Variants in BOD1L1 observed in about 807,000 individuals in gnomAD.
BOD1L1 encodes biorientation of chromosomes in cell division 1 like 1, also known as biorientation of chromosomes in cell division protein 1-like 1.
In BOD1L1, 86 loss-of-function variants were observed where a neutral mutation model predicts 240.7. That is an observed-to-expected ratio of 0.36 (90% confidence interval 0.30 to 0.43). The LOEUF (loss-of-function observed/expected upper bound fraction) is 0.43. BOD1L1 is among the 20% of genes least tolerant of loss of function. BOD1L1 has a pLI of 1.00. For missense variants in BOD1L1, 3,554 were observed against 3,643.5 expected, an observed-to-expected ratio of 0.98 and a Z score of 0.63; for synonymous variants, 1,268 against 1,272.3, an observed-to-expected ratio of 1.00 and a Z score of 0.07.
chr4:13,592,809 C>CCCA (rs1338129694), intron 12 of BOD1L1: 1 of 152,112 alleles, frequency 6.6e-6, no homozygotes, highest in Non-Finnish European at 1.5e-5. Context: ...GCTCCCACTC[C>CCCA]CCAAACCTCC....
intron 15 of BOD1L1, 64 bp from the exon 16 acceptor site, chr4:13,587,835 G>T: frequency 9.1e-7 from 1 of 1,099,152 alleles, no homozygotes; most frequent in Non-Finnish European, 1.4e-6. Context: ...TGAAAGAGGA[G>T]CACACTGTAC....
Position 13,627,392 on chromosome 4 carries a change from G to T in BOD1L1, c.196C>A (p.Leu66Ile). The T allele has an allele frequency of 7.2e-7, 1 of 1,391,970 alleles. No individual in the cohort carries two copies. The allele number at this position is 1,391,970 out of a possible 1,614,324, so 86.2% of individuals were successfully genotyped here. A position where few individuals can be genotyped will look rare whatever the true frequency, so the allele number is the denominator to read the frequency against. ...CAGTCTCTGCGGAACTGGTCGAAGA[G>T]CCCCTGGCTCTTGAGGTGGTTCACG... ...MIVNHLKSQG[L>I]FDQFRRDCLA... Residue 66 changes from leucine to isoleucine, a missense_variant, in exon 1 of 26, where the codon CTC becomes ATC. This residue lies in a region of BOD1L1 where 161 missense variants were observed against 216.4 expected (regional missense o/e 0.74). Transcript: ENST00000040738.
Position 13,615,480 on chromosome 4 carries a change from T to C in BOD1L1, c.391A>G (p.Ile131Val). ...VLKSGMLESGIDRIISQVVDP... is the reference protein window; with the variant it reads ...VLKSGMLESGVDRIISQVVDP... ...ACAACCTGAGAAATAATTCGGTCAA[T>C]ACCAGACTCCAACATTCCTGATCTG... Residue 131 changes from isoleucine (I) to valine (V), a missense_variant, in exon 3 of 26, where the codon ATT (isoleucine) becomes GTT (valine). Ile to Val is a conservative substitution (Grantham distance 29). Coordinates refer to ENST00000040738, the MANE Select transcript of BOD1L1 (RefSeq NM_148894.3). 3.7e-6 allele frequency: 6 copies of C among 1,608,764 alleles called. No individual in the cohort carries two copies. Among genetic ancestry groups the C allele is most frequent in the Non-Finnish European group, 5.1e-6 (6 of 1,177,462 alleles).
In BOD1L1 at chr4:13,627,543, CGGCGGCGCCGGAGGA is replaced by C. The variant is rs1373326064; in HGVS notation, c.30_44del (p.Ala13_Pro17del). 8.0e-6 allele frequency: 9 copies of C among 1,130,358 alleles called. No homozygotes were observed. The highest frequency in any genetic ancestry group is 3.7e-4 in the Middle Eastern group (1 of 2,700). 70.0% of individuals were successfully genotyped at this position (1,130,358 alleles called of 1,614,324 possible). A position where few individuals can be genotyped will look rare whatever the true frequency, so the allele number is the denominator to read the frequency against. On this transcript the variant is annotated inframe_deletion, in exon 1 of 26. Transcript: ENST00000040738. ...GCGGCTGCGGCTGCGGCGGGGGAGG[CGGCGGCGCCGGAGGA>C]GGCGGCTGCGGCTGTGGGTTGGTGG...
At position 13,603,538 on chromosome 4, in the gene BOD1L1, TC is replaced by T; in HGVS notation, c.3361del (p.Glu1121LysfsTer34). The T allele has an allele frequency of 6.2e-7, 1 of 1,614,066 alleles. No individual in the cohort carries two copies. Among genetic ancestry groups the T allele is most frequent in the Non-Finnish European group, 8.5e-7 (1 of 1,179,900 alleles). On this transcript the variant is annotated frameshift_variant, in exon 10 of 26. Transcript: ENST00000040738. LOFTEE classifies it high-confidence loss of function. ...MTLIPEQEPM[E>X]IDSEPGVENV... ...TTCAACACCTGGCTCAGAATCAATT[TC>T]CATTGGCTCTTGTTCAGGGATCAAT... is the stretch of plus-strand genomic sequence containing the variant.
rs1715518103 is a variant in BOD1L1 at position 13,604,533 on chromosome 4, T to G, written c.2367A>C (p.Arg789=). The G allele has an allele frequency of 2.0e-6, 3 of 1,537,152 alleles. No individual in the cohort carries two copies. The African/African-American group carries it at 4.2e-5, about 21-fold the overall frequency. ...TKLSSDDKTE[R]KSKHRNERKL... is the part of the protein sequence containing the mutation. ...TCCTTTCATTCCTATGTTTACTTTT[T>G]CGTTCGGTTTTATCATCTGAAGAAA... is the stretch of plus-strand genomic sequence containing the variant. The change falls in exon 10 of 26, where the codon CGA becomes CGC. Residue 789 remains arginine (R), a synonymous_variant. Transcript: ENST00000040738.
At position 13,601,594 on chromosome 4, in the gene BOD1L1, G is replaced by C. The variant is rs764578133; in HGVS notation, c.5306C>G (p.Pro1769Arg). The change falls in exon 10 of 26, where the codon CCA (proline) becomes CGA (arginine). Residue 1769 changes from proline to arginine, a missense_variant. By Grantham distance (103) the Pro-to-Arg change is moderately radical. Transcript: ENST00000040738. The part of the protein sequence containing the change: ...GVVLGDNDAP[P>R]GTSASQEGDG... The stretch of plus-strand genomic sequence containing the variant: ...TCCTTCTTGGCTGGCACTTGTTCCT[G>C]GTGGTGCATCATTATCTCCCAGGAC... 1 of 1,613,956 alleles carries C rather than the reference G, an allele frequency of 6.2e-7. No individual in the cohort carries two copies. The highest frequency in any genetic ancestry group is 1.1e-5 in the South Asian group (1 of 91,082).
At position 13,613,800 on chromosome 4, in the gene BOD1L1, G is replaced by C. The variant is rs757439325; in HGVS notation, c.1175-139C>G. ...ATCAAACAAGGCAGAGTGGTTTCCA[G>C]AAAATACAAAGGCAAAGTAGACTTC... On this transcript the variant is annotated intron_variant, in intron 4 of 25. Transcript: ENST00000040738. The surrounding 1 kb of genome is among the most constrained non-coding windows in gnomAD (Gnocchi z 4.0). The C allele has an allele frequency of 7.2e-5, 41 of 565,520 alleles. No homozygotes were observed. The highest frequency in any genetic ancestry group is 1.9e-5 in the Non-Finnish European group (7 of 366,370). The allele number at this position is 565,520 out of a possible 1,614,324, so 35.0% of individuals were successfully genotyped here. A position where few individuals can be genotyped will look rare whatever the true frequency, so the allele number is the denominator to read the frequency against.
chr4:13,600,673 C>G lies in BOD1L1; in HGVS notation c.6227G>C (p.Ser2076Thr). The G allele has an allele frequency of 6.2e-7, 1 of 1,614,012 alleles. No individual in the cohort carries two copies. The highest frequency in any genetic ancestry group is 8.5e-7 in the Non-Finnish European group (1 of 1,179,896). The change falls in exon 10 of 26, where the codon AGT becomes ACT. Residue 2076 changes from serine (S) to threonine (T), a missense_variant. Ser to Thr is a moderately conservative substitution (Grantham distance 58). Coordinates refer to ENST00000040738, the MANE Select transcript of BOD1L1 (RefSeq NM_148894.3). ...CTGAGGGGTGTAATCATTTGTGGTA[C>G]TGGTGGAAATAATCAAAACTTTGCC... ...NQGKVLIISTSTTNDYTPQVS... is the reference protein window; with the variant it reads ...NQGKVLIISTTTTNDYTPQVS...
rs761391897 is a variant in BOD1L1, at chr4:13,570,137, A to G, written c.9039-9T>C. ...AGAGCTGTGTCTTTGATCTGCATTA[A>G]GCAAAGTCAAGGCAATGGTGAGGTT... On this transcript the variant is annotated splice_polypyrimidine_tract_variant and intron_variant, in intron 25 of 25. Coordinates refer to ENST00000040738, the MANE Select transcript of BOD1L1 (RefSeq NM_148894.3). 1.9e-6 allele frequency: 3 copies of G among 1,552,234 alleles called. No homozygotes were observed. The Admixed American group carries it at 6.3e-5, about 33-fold the overall frequency.
In BOD1L1 at chr4:13,614,749, G is replaced by A. The variant is rs2108985215; in HGVS notation, c.621C>T (p.Thr207=). ...VANDAMSILE[T]ITSLNQEASA... is the part of the protein sequence containing the mutation. ...TGGCTTCTTGGTTAAGAGAAGTTAT[G>A]GTTTCCAATATCGACATGGCATCAT... The change falls in exon 4 of 26, where the codon ACC becomes ACT. Residue 207 remains threonine, a synonymous_variant. Coordinates refer to ENST00000040738, the MANE Select transcript of BOD1L1 (RefSeq NM_148894.3). The A allele has an allele frequency of 1.9e-6, 3 of 1,613,802 alleles. No homozygotes were observed. Among genetic ancestry groups the A allele is most frequent in the Non-Finnish European group, 1.7e-6 (2 of 1,179,812 alleles).
intron 1 of BOD1L1, among the ~76,000 whole-genome samples, chr4:13,621,784 C>T (rs1717056591): frequency 1.3e-5 from 2 of 152,020 alleles, no homozygotes; most frequent in South Asian, 4.1e-4. Flanking sequence ...CAGGCCTTTG[C>T]TGATACTTAT....
At chr4:13,588,185 CAAAAAAAAAA>C (rs201474701) in intron 15 of BOD1L1, among the ~76,000 whole-genome samples, 2 of 76,504 alleles carry the variant, frequency 2.6e-5, no homozygotes, top group Admixed American at 1.3e-4. Context: ...GAGACTGTTT[CAAAAAAAAAA>C]AAAAAAAGAA....
At chr4:13,623,789 T>C (rs367576627) in intron 1 of BOD1L1, 1 of 152,332 alleles carries the variant, frequency 6.6e-6, no homozygotes, top group African/African-American at 2.4e-5. Flanking sequence ...CATTCTTAAA[T>C]ATGCATGTGA....
Position 13,591,980 on chromosome 4 carries a change from A to C in BOD1L1, c.8105-14T>G. ...TCTGGAGTTCAGCTGTTCAAAAATA[A>C]AAATGAGATGTAAAGAAACTGAATA... is the stretch of plus-strand genomic sequence containing the variant. On this transcript the variant is annotated splice_polypyrimidine_tract_variant and intron_variant, in intron 12 of 25. Coordinates refer to ENST00000040738, the MANE Select transcript of BOD1L1 (RefSeq NM_148894.3). 6.5e-7 allele frequency: 1 copy of C among 1,534,526 alleles called. No homozygotes were observed. Among genetic ancestry groups the C allele is most frequent in the Non-Finnish European group, 8.8e-7 (1 of 1,137,750 alleles).
chr4:13,602,112 GAC>G lies in BOD1L1; in HGVS notation c.4786_4787del (p.Val1596HisfsTer6), dbSNP rs1560201829. ...TTTCACTTTCAGCAAATCCCTCTGT[GAC>G]AACAGCCCCACCTTCTTCAGCTGCA... ...FAAAEEGGAVVTEGFAESETF... is the reference protein window; with the variant it reads ...FAAAEEGGAVXTEGFAESETF... On this transcript the variant is annotated frameshift_variant, in exon 10 of 26. Transcript: ENST00000040738. LOFTEE classifies it high-confidence loss of function. The G allele has an allele frequency of 6.2e-7, 1 of 1,613,986 alleles. No homozygotes were observed. Among genetic ancestry groups the G allele is most frequent in the Admixed American group, 1.7e-5 (1 of 60,024 alleles).
chr4:13,607,508 G>A lies in BOD1L1; in HGVS notation c.1743-319C>T, dbSNP rs576372035. Among the ~76,000 whole-genome samples the A allele has an allele frequency of 2.2e-4, 33 of 152,296 alleles. No individual in the cohort carries two copies. In the South Asian group the frequency reaches 4.6e-3, roughly 21 times the overall value. ...AGACAGGGTTTCACCATGTTGGTCA[G>A]GCTGGTCTCAAACTCCTGACCTCAT... On this transcript the variant is annotated intron_variant, in intron 8 of 25. Transcript: ENST00000040738.
chr4:13,603,113 C>T lies in BOD1L1; in HGVS notation c.3787G>A (p.Glu1263Lys). ...QKNLKNTAAEEHVAQGDATLE... is the reference protein window; with the variant it reads ...QKNLKNTAAEKHVAQGDATLE... ...GTGGCATCTCCTTGAGCAACATGTT[C>T]TTCAGCAGCTGTGTTTTTCAAATTC... The change falls in exon 10 of 26, where the codon GAA becomes AAA. Residue 1263 changes from glutamate to lysine, a missense_variant. By Grantham distance (56) the Glu-to-Lys change is moderately conservative. Coordinates refer to ENST00000040738, the MANE Select transcript of BOD1L1 (RefSeq NM_148894.3). The T allele has an allele frequency of 1.2e-6, 2 of 1,613,998 alleles. No homozygotes were observed. Among genetic ancestry groups the T allele is most frequent in the Middle Eastern group, 1.6e-4 (1 of 6,062 alleles).
Position 13,613,576 on chromosome 4 carries a change from T to A in BOD1L1, c.1260A>T (p.Glu420Asp). The change falls in exon 5 of 26, where the codon GAA (glutamate) becomes GAT (aspartate). Residue 420 changes from glutamate (E) to aspartate (D), a missense_variant. By Grantham distance (45) the Glu-to-Asp change is conservative. Coordinates refer to ENST00000040738, the MANE Select transcript of BOD1L1 (RefSeq NM_148894.3). This position sits in a 1 kb window ranked among gnomAD's most constrained non-coding sequence, Gnocchi z 4.0. Reference sequence around the variant, plus strand: ...TTACAACTTCCTCCTCAGTATCTTCTTCAAAAGATGAAAGGTCACTGGTAT... The same window carrying A: ...TTACAACTTCCTCCTCAGTATCTTCATCAAAAGATGAAAGGTCACTGGTAT... ...SVHTSDLSSF[E>D]EDTEEEVVTS... 6.2e-7 allele frequency: 1 copy of A among 1,612,710 alleles called. No individual in the cohort carries two copies. Among genetic ancestry groups the A allele is most frequent in the Non-Finnish European group, 8.5e-7 (1 of 1,179,010 alleles).
Sources: allele counts gnomAD v4.1 joint callset (sites outside exome capture counted in the v4.1 genomes callset), GRCh38; gene constraint gnomAD v4.1.1; regional missense constraint gnomAD v4.1.1; non-coding constraint Gnocchi (gnomAD v3.1); transcripts MANE v1.5; gene names NCBI Gene and HGNC (gene_info 2026-07-23, HGNC 2026-07-21).